CDH23: variants seen among roughly 807,000 people sequenced by gnomAD.
CDH23 encodes the protein cadherin related 23.
CDH23 carries 189 observed loss-of-function variants against 317.1 expected under a neutral mutation model. That is an observed-to-expected ratio of 0.60 (90% CI 0.53 to 0.67). The LOEUF (loss-of-function observed/expected upper bound fraction) is 0.67. Among genes scored for constraint, CDH23 ranks in the 30% least tolerant of loss-of-function variants. The pLI is 0.00. For missense variants in CDH23, 4,401 were observed against 4,592.4 expected (o/e 0.96, Z 1.20); for synonymous variants, 1,839 against 1,876.8 (o/e 0.98, Z 0.52).
intron 1 of CDH23, among the ~76,000 whole-genome samples, chr10:71,435,149 A>G (rs1849562045): frequency 6.6e-6 from 1 of 152,210 alleles, no homozygotes; most frequent in South Asian, 2.1e-4. Flanking sequence ...TCAAATCCAG[A>G]CTTGACACTT....
At chr10:71,577,323 T>C (rs11813320) in intron 8 of CDH23, among the ~76,000 whole-genome samples, 28,233 of 151,904 alleles carry the variant, frequency 0.19, 3,146 homozygotes, top group Middle Eastern at 0.28. Context: ...CAAGCAGGAA[T>C]TGCCAGGCAC....
Position 71,448,534 on chromosome 10 carries a change from GC to G in CDH23, c.145+2142del, listed in dbSNP as rs374377039. On this transcript the variant is annotated intron_variant, in intron 3 of 69. Coordinates refer to ENST00000224721, the MANE Select transcript of CDH23 (RefSeq NM_022124.6). Reference sequence around the variant, plus strand: ...GGGGTGGGTGCGGAGCTGCCTCAGCGCCCTCCCAGCCTCTTCTCTTCTTTTT... The same window carrying G: ...GGGGTGGGTGCGGAGCTGCCTCAGCGCCTCCCAGCCTCTTCTCTTCTTTTT... Among the ~76,000 whole-genome samples, 108 of 152,302 alleles carry G rather than the reference GC, an allele frequency of 7.1e-4. 1 individual carries two copies. The East Asian group carries it at 0.01, about 15-fold the overall frequency.
intron 1 of CDH23, among the ~76,000 whole-genome samples, chr10:71,423,565 G>T (rs76334444): frequency 0.022 from 3,348 of 152,246 alleles, 46 homozygotes; most frequent in Middle Eastern, 0.044. Context: ...GCTCCAGGGG[G>T]GTGATGCATT....
At chr10:71,561,235 T>G (rs1857115965) in intron 6 of CDH23, among the ~76,000 whole-genome samples, 1 of 152,048 alleles carries the variant, frequency 6.6e-6, no homozygotes, top group South Asian at 2.1e-4. Flanking sequence ...ACTCTGGCCC[T>G]CAGTCCTGCC....
At chr10:71,533,726 A>C (rs1323217697) in intron 6 of CDH23, among the ~76,000 whole-genome samples, 1 of 152,132 alleles carries the variant, frequency 6.6e-6, no homozygotes, top group African/African-American at 2.4e-5. Flanking sequence ...CTTTGGGGTC[A>C]GGGAAGGATG....
chr10:71,690,530 T>C lies in CDH23; in HGVS notation c.2122T>C (p.Ser708Pro), dbSNP rs764332602. 2 of 1,609,682 alleles carry C rather than the reference T, an allele frequency of 1.2e-6. No individual in the cohort carries two copies. The highest frequency in any genetic ancestry group is 1.7e-6 in the Non-Finnish European group (2 of 1,178,550). The change falls in exon 20 of 70, where the codon TCC becomes CCC. Residue 708 changes from serine to proline, a missense_variant. By Grantham distance (74) the Ser-to-Pro change is moderately conservative. This residue lies in a region of CDH23 where 3,068 missense variants were observed against 3,203.3 expected (regional missense o/e 0.96). Transcript: ENST00000224721. Reference protein sequence around the residue: ...LDRSREYGQESIIYSLEGSTQ... With the variant: ...LDRSREYGQEPIIYSLEGSTQ... ...CCGCTCCCGGGAGTACGGCCAGGAGTCCATCATCTACTCCTTGGAAGGCTC... is the reference window on the plus strand; with the variant it reads ...CCGCTCCCGGGAGTACGGCCAGGAGCCCATCATCTACTCCTTGGAAGGCTC...
In CDH23 at chr10:71,523,434, C is replaced by T. The variant is rs10999862; in HGVS notation, c.429+12222C>T. Reference sequence around the variant, plus strand: ...TACCAAACCTTAGAAAAAAATATTCCGCCCAACACAGCCCAAAAGATGGAG... The same window carrying T: ...TACCAAACCTTAGAAAAAAATATTCTGCCCAACACAGCCCAAAAGATGGAG... On this transcript the variant is annotated intron_variant, in intron 6 of 69. Coordinates refer to ENST00000224721, the MANE Select transcript of CDH23 (RefSeq NM_022124.6). Among the ~76,000 whole-genome samples the T allele has an allele frequency of 7.4e-4, 112 of 152,246 alleles. 1 individual carries two copies. The East Asian group carries it at 0.016, about 22-fold the overall frequency.
intron 1 of CDH23, among the ~76,000 whole-genome samples, chr10:71,416,272 G>A (rs566057740): frequency 1.6e-4 from 25 of 152,162 alleles, no homozygotes; most frequent in African/African-American, 5.3e-4. Flanking sequence ...TGATCCGCCC[G>A]CCTTGGCCTC....
At chr10:71,575,714 C>T (rs1273338536) in intron 8 of CDH23, among the ~76,000 whole-genome samples, 1 of 152,204 alleles carries the variant, frequency 6.6e-6, no homozygotes, top group African/African-American at 2.4e-5. Context: ...GGAGCAGGGT[C>T]GGCTCCGGGC....
At chr10:71,556,244 G>T (rs1002574391) in intron 6 of CDH23, among the ~76,000 whole-genome samples, 1 of 152,162 alleles carries the variant, frequency 6.6e-6, no homozygotes, top group African/African-American at 2.4e-5. Flanking sequence ...GGGGGGAAAT[G>T]AGATGCTGGA....
intron 11 of CDH23, among the ~76,000 whole-genome samples, chr10:71,628,814 G>A (rs532126954): frequency 7.0e-4 from 107 of 152,328 alleles, no homozygotes; most frequent in African/African-American, 2.5e-3. Context: ...AAAATTTTCA[G>A]CATCGAAGTT....
Position 71,403,400 on chromosome 10 carries a change from T to C in CDH23, c.-6+6082T>C, listed in dbSNP as rs1161646888. 1.6e-4 allele frequency among the ~76,000 whole-genome samples: 14 copies of C among 86,242 alleles called. 1 individual carries two copies. The East Asian group carries it at 1.8e-3, about 11-fold the overall frequency. 56.6% of individuals were successfully genotyped at this position (86,242 alleles called of 152,430 possible). On this transcript the variant is annotated intron_variant, in intron 1 of 69. Coordinates refer to ENST00000224721, the MANE Select transcript of CDH23 (RefSeq NM_022124.6). ...CTTTCTTTCTTTCTTTCTTTCTTTCTTTCTTTCTCTTCCTTCCTTCCTTCC... is the reference window on the plus strand; with the variant it reads ...CTTTCTTTCTTTCTTTCTTTCTTTCCTTCTTTCTCTTCCTTCCTTCCTTCC...
intron 9 of CDH23, 61 bp from the exon 10 acceptor site, chr10:71,615,443 C>T: frequency 8.2e-7 from 1 of 1,224,570 alleles, no homozygotes; most frequent in African/African-American, 1.5e-5. Context: ...CCCCCCTGCC[C>T]CCAGCTCCAT....
At chr10:71,511,265 GA>G (rs1309010721) in intron 6 of CDH23, 53 bp downstream of exon 6, 1 of 1,458,742 alleles carries the variant, frequency 6.9e-7, no homozygotes, top group South Asian at 1.1e-5. Context: ...CTGCTCCCCA[GA>G]CCACCATGGT....
At chr10:71,579,933 G>T in intron 9 of CDH23, among the ~76,000 whole-genome samples, 1 of 152,178 alleles carries the variant, frequency 6.6e-6, no homozygotes, top group East Asian at 1.9e-4. Flanking sequence ...GGGCAGGGGC[G>T]TGTCTCTTAT....
rs1318454072 is a variant in CDH23, at chr10:71,792,833, AAAAAAAAAAAAAAAAAAAAATAT to A, written c.6254-347_6254-325del. On this transcript the variant is annotated intron_variant, in intron 47 of 69. Coordinates refer to ENST00000224721, the MANE Select transcript of CDH23 (RefSeq NM_022124.6). The stretch of plus-strand genomic sequence containing the variant: ...TAAGACTCCATCTAAAAAAAAAAAA[AAAAAAAAAAAAAAAAAAAAATAT>A]ATATATATATATATATATATGTCTC... Among the ~76,000 whole-genome samples the A allele has an allele frequency of 8.7e-4, 66 of 76,048 alleles. 3 individuals carry two copies. The highest frequency in any genetic ancestry group is 7.9e-4 in the Non-Finnish European group (32 of 40,670). The allele number at this position is 76,048 out of a possible 152,430, so 49.9% of individuals were successfully genotyped here. A position where few individuals can be genotyped will look rare whatever the true frequency, so the allele number is the denominator to read the frequency against.
intron 9 of CDH23, among the ~76,000 whole-genome samples, chr10:71,597,555 A>G (rs4746085): frequency 0.56 from 85,324 of 151,518 alleles, 24,383 homozygotes; most frequent in African/African-American, 0.68. Flanking sequence ...GGTCCTTGGA[A>G]CCTACCTCCC....
chr10:71,587,168 G>A (rs1859132304), intron 9 of CDH23, among the ~76,000 whole-genome samples: 1 of 152,252 alleles, frequency 6.6e-6, no homozygotes, highest in African/African-American at 2.4e-5. Flanking sequence ...CATGGCAAAT[G>A]AGCGGCAGAT....
chr10:71,613,525 G>A (rs1443631235), intron 9 of CDH23, among the ~76,000 whole-genome samples: 2 of 152,222 alleles, frequency 1.3e-5, no homozygotes, highest in African/African-American at 4.8e-5. Flanking sequence ...ACAGTGGACT[G>A]GGAGGACAGG....
Sources: gnomAD v4.1 joint callset for allele counts (sites outside exome capture counted in the v4.1 genomes callset) on GRCh38, gnomAD v4.1.1 for gene constraint, gnomAD v4.1.1 regional missense constraint, MANE v1.5 for transcripts, NCBI Gene and HGNC (gene_info 2026-07-23, HGNC 2026-07-21) for gene names.